The following ABCD3 variants were observed in gnomAD, a reference collection of about 807,000 sequenced individuals.
ABCD3 encodes ATP binding cassette subfamily D member 3.
In ABCD3, 41 loss-of-function variants were observed where a neutral mutation model predicts 105.5. The observed-to-expected ratio is 0.39, with a 90% CI of 0.30 to 0.50. The LOEUF (loss-of-function observed/expected upper bound fraction) is 0.50. Among genes scored for constraint, ABCD3 ranks in the 20% least tolerant of loss-of-function variants. ABCD3 has a pLI of 0.84. For missense variants in ABCD3, 622 were observed against 806.3 expected, an observed-to-expected ratio of 0.77 and a Z score of 2.77; for synonymous variants, 258 against 269.0, an observed-to-expected ratio of 0.96 and a Z score of 0.40.
At chr1:94,452,459 G>C (rs192272247) in intron 1 of ABCD3, among the ~76,000 whole-genome samples, 1 of 152,210 alleles carries the variant, frequency 6.6e-6, no homozygotes, top group Non-Finnish European at 1.5e-5. Context: ...CACAGAGTGT[G>C]CCTCGTGGCA....
At chr1:94,481,279 G>A (rs543729685) in intron 9 of ABCD3, among the ~76,000 whole-genome samples, 2 of 152,258 alleles carry the variant, frequency 1.3e-5, no homozygotes, top group Non-Finnish European at 2.9e-5. Flanking sequence ...TTAATGTTAA[G>A]TCATTTTGAG....
chr1:94,469,220 C>T (rs890111706), intron 4 of ABCD3, among the ~76,000 whole-genome samples: 10 of 152,026 alleles, frequency 6.6e-5, no homozygotes, highest in African/African-American at 2.2e-4. Flanking sequence ...TATTACTGTT[C>T]ATAGATTTCT....
intron 20 of ABCD3, among the ~76,000 whole-genome samples, chr1:94,502,735 A>G (rs1221573328): frequency 6.6e-6 from 1 of 152,022 alleles, no homozygotes; most frequent in African/African-American, 2.4e-5. Context: ...CCTGACCTCA[A>G]GTGATCCACC....
intron 1 of ABCD3, among the ~76,000 whole-genome samples, chr1:94,444,037 G>GT (rs1660237679): frequency 6.6e-6 from 1 of 151,778 alleles, no homozygotes; most frequent in South Asian, 2.1e-4. Context: ...TTCTATCTGT[G>GT]TTTTTATATT....
At chr1:94,429,637 T>A (rs1659599923) in intron 1 of ABCD3, among the ~76,000 whole-genome samples, 1 of 152,154 alleles carries the variant, frequency 6.6e-6, no homozygotes, top group Non-Finnish European at 1.5e-5. Flanking sequence ...CTTGGCAGCT[T>A]CTATGTGGTG....
At chr1:94,429,828 GA>G (rs1406734157) in intron 1 of ABCD3, among the ~76,000 whole-genome samples, 1 of 152,216 alleles carries the variant, frequency 6.6e-6, no homozygotes, top group Admixed American at 6.5e-5. Flanking sequence ...CCCCCACACA[GA>G]ATCCCTGCTG....
rs116544784 is a variant in ABCD3, at chr1:94,512,451, G to T, written c.1846-2695G>T. ...TATAAATGAGATATAAAAGATAAAA[G>T]ATATAAAAGATACCTCATTTATATA... On this transcript the variant is annotated intron_variant, in intron 21 of 22. Coordinates refer to ENST00000370214, the MANE Select transcript of ABCD3 (RefSeq NM_002858.4). 6.8e-3 allele frequency among the ~76,000 whole-genome samples: 1,030 copies of T among 151,686 alleles called. 11 individuals are homozygous for T. Among genetic ancestry groups the T allele is most frequent in the African/African-American group, 0.024 (984 of 41,420 alleles).
intron 1 of ABCD3, among the ~76,000 whole-genome samples, chr1:94,438,282 TCA>T (rs143373197): frequency 0.41 from 46,580 of 114,928 alleles, 9,169 homozygotes; most frequent in Middle Eastern, 0.54. Context: ...CAAGACTCCA[TCA>T]CACACACACA....
chr1:94,387,458 A>G, the ABCD3 span, among the ~76,000 whole-genome samples: 17 of 151,884 alleles, frequency 1.1e-4, no homozygotes, highest in Non-Finnish European at 2.4e-4. Flanking sequence ...TCCTCTCTCC[A>G]TATTTCTCCC....
intron 1 of ABCD3, among the ~76,000 whole-genome samples, chr1:94,458,108 C>T (rs909683475): frequency 2.0e-5 from 3 of 152,158 alleles, no homozygotes; most frequent in African/African-American, 7.2e-5. Flanking sequence ...TCTCTCCAGG[C>T]CACTTTCCTC....
chr1:94,488,818 A>ACT (rs35741156), intron 13 of ABCD3, among the ~76,000 whole-genome samples: 136,790 of 146,446 alleles, frequency 0.93, 64,253 homozygotes, highest in South Asian at 0.99. Flanking sequence ...GTTTCCTTTC[A>ACT]CTCTCTCTCT....
chr1:94,500,042 T>A (rs1650015492), intron 20 of ABCD3, among the ~76,000 whole-genome samples: 1 of 152,182 alleles, frequency 6.6e-6, no homozygotes, highest in Non-Finnish European at 1.5e-5. Context: ...AAATTTTATC[T>A]TTATTCTGTT....
intron 20 of ABCD3, among the ~76,000 whole-genome samples, chr1:94,502,441 A>C (rs528170694): frequency 6.6e-6 from 1 of 151,878 alleles, no homozygotes; most frequent in South Asian, 2.1e-4. Context: ...TACACAGGTG[A>C]TCTCATTTCA....
intron 2 of ABCD3, among the ~76,000 whole-genome samples, chr1:94,461,603 T>G (rs1010432302): frequency 1.3e-5 from 2 of 152,084 alleles, no homozygotes; most frequent in Non-Finnish European, 2.9e-5. Flanking sequence ...CACTTCATGT[T>G]TAAAGCTGTA....
At chr1:94,419,651 C>T (rs1178803850) in intron 1 of ABCD3, among the ~76,000 whole-genome samples, 2 of 152,096 alleles carry the variant, frequency 1.3e-5, no homozygotes, top group Admixed American at 6.5e-5. Context: ...CCTACAATAT[C>T]TAATTAGTAG....
chr1:94,426,880 G>A (rs1280287160), intron 1 of ABCD3, among the ~76,000 whole-genome samples: 1 of 146,854 alleles, frequency 6.8e-6, no homozygotes, highest in Non-Finnish European at 1.5e-5. Flanking sequence ...TTAAACCTGG[G>A]TGCAGGTCTT....
In ABCD3 at chr1:94,487,773, A is replaced by G. The variant is rs1649342323; in HGVS notation, c.1047A>G (p.Thr349=). The G allele has an allele frequency of 6.2e-7, 1 of 1,613,970 alleles. No homozygotes were observed. The highest frequency in any genetic ancestry group is 1.7e-4 in the Middle Eastern group (1 of 6,060). Residue 349 remains threonine, a synonymous_variant, in exon 12 of 23, where the codon ACA becomes ACG. Transcript: ENST00000370214. Reference sequence around the variant, plus strand: ...CTCATCCTCGACATCTCAAGAGTACACATTCGGAACTTCTAGAGGTAAACT... The same window carrying G: ...CTCATCCTCGACATCTCAAGAGTACGCATTCGGAACTTCTAGAGGTAAACT... ...DLSHPRHLKS[T]HSELLEDYYQ...
chr1:94,425,537 A>C (rs541838861), intron 1 of ABCD3, among the ~76,000 whole-genome samples: 1 of 152,196 alleles, frequency 6.6e-6, no homozygotes, highest in South Asian at 2.1e-4. Flanking sequence ...CTTCCTTGGA[A>C]TAAATTGCCA....
chr1:94,386,532 C>T, the ABCD3 span, among the ~76,000 whole-genome samples: 1 of 152,156 alleles, frequency 6.6e-6, no homozygotes, highest in Admixed American at 6.5e-5. Context: ...GAACTTTAAT[C>T]CAGTGGAAGG....
Sources: allele counts gnomAD v4.1 joint callset (sites outside exome capture counted in the v4.1 genomes callset), GRCh38; gene constraint gnomAD v4.1.1; transcripts MANE v1.5; gene names NCBI Gene and HGNC (gene_info 2026-07-23, HGNC 2026-07-21).